The following DOK6 variants were observed in gnomAD, a reference collection of about 807,000 sequenced individuals.
DOK6 encodes docking protein 6.
A neutral mutation model predicts 44.0 loss-of-function variants in DOK6; 22 were observed. The observed-to-expected ratio is 0.50, with a 90% CI of 0.36 to 0.71. DOK6 has a LOEUF of 0.71. Ranked by LOEUF, DOK6 falls within the 30% of genes least tolerant of loss-of-function variation. DOK6 has a pLI of 0.00. For missense variants in DOK6, 340 were observed against 416.4 expected (o/e 0.82, Z 1.60); for synonymous variants, 166 against 145.5 (o/e 1.14, Z -1.01).
chr18:69,474,526 G>A (rs1035650495), intron 1 of DOK6, among the ~76,000 whole-genome samples: 4 of 152,192 alleles, frequency 2.6e-5, no homozygotes, highest in South Asian at 2.1e-4. Flanking sequence ...TTACCTATAA[G>A]CAATTTGCAT....
At chr18:69,565,035 C>T (rs1220094428) in intron 2 of DOK6, among the ~76,000 whole-genome samples, 1 of 152,022 alleles carries the variant, frequency 6.6e-6, no homozygotes, top group Non-Finnish European at 1.5e-5. Flanking sequence ...AAATGATCAT[C>T]GAATATGCTG....
rs555123012 is a variant in DOK6, at chr18:69,415,088, A to G, written c.66+13778A>G. Among the ~76,000 whole-genome samples the G allele has an allele frequency of 2.8e-4, 43 of 152,232 alleles. No individual in the cohort carries two copies. In the South Asian group the frequency reaches 5.6e-3, roughly 20 times the overall value. ...GTTGAGTAAAATAATACTTTACAAG[A>G]TCAAAAGAGTGCTTAGTCTATGATG... On this transcript the variant is annotated intron_variant, in intron 1 of 7. Transcript: ENST00000382713.
At chr18:69,709,868 G>A (rs1281742263) in intron 5 of DOK6, among the ~76,000 whole-genome samples, 1 of 152,078 alleles carries the variant, frequency 6.6e-6, no homozygotes, top group African/African-American at 2.4e-5. Context: ...TTGGCCACTT[G>A]ATTTTTTAAA....
At chr18:69,491,339 G>A (rs532339952) in intron 1 of DOK6, among the ~76,000 whole-genome samples, 154 of 152,232 alleles carry the variant, frequency 1.0e-3, no homozygotes, top group Non-Finnish European at 1.9e-3. Context: ...ATTGGCTAAA[G>A]TGCCCTTCAC....
chr18:69,677,328 G>T (rs1435641179), intron 3 of DOK6, among the ~76,000 whole-genome samples: 1 of 148,354 alleles, frequency 6.7e-6, no homozygotes, highest in Non-Finnish European at 1.5e-5. Context: ...AGCATGTTTT[G>T]AAGTATATAT....
chr18:69,743,656 C>A (rs1339357055), intron 6 of DOK6, among the ~76,000 whole-genome samples: 3 of 150,354 alleles, frequency 2.0e-5, no homozygotes, highest in African/African-American at 7.4e-5. Flanking sequence ...GTTGAGAAGA[C>A]AAGAATGAGA....
intron 1 of DOK6, among the ~76,000 whole-genome samples, chr18:69,485,970 G>A (rs56124036): frequency 0.18 from 27,749 of 150,556 alleles, 3,053 homozygotes; most frequent in Non-Finnish European, 0.23. Flanking sequence ...TTCATTTATT[G>A]AAATATACCT....
intron 7 of DOK6, among the ~76,000 whole-genome samples, chr18:69,759,362 T>C (rs140753979): frequency 0.012 from 1,802 of 152,156 alleles, 36 homozygotes; most frequent in African/African-American, 0.041. Flanking sequence ...TATTTAAACA[T>C]ATGTTTAAAT....
At chr18:69,633,328 G>A (rs547642488) in intron 3 of DOK6, among the ~76,000 whole-genome samples, 2 of 152,112 alleles carry the variant, frequency 1.3e-5, no homozygotes, top group South Asian at 4.1e-4. Flanking sequence ...AGAAATTGTC[G>A]AAGCTCATAC....
chr18:69,507,272 C>T (rs1446655069), intron 1 of DOK6, among the ~76,000 whole-genome samples: 1 of 152,102 alleles, frequency 6.6e-6, no homozygotes, highest in African/African-American at 2.4e-5. Flanking sequence ...TGTGATCCGC[C>T]CACCTCGGCC....
chr18:69,732,589 GAAAGA>G (rs1360677402), intron 5 of DOK6, among the ~76,000 whole-genome samples: 1 of 152,004 alleles, frequency 6.6e-6, no homozygotes, highest in Non-Finnish European at 1.5e-5. Context: ...TAAAGTAAAA[GAAAGA>G]AAAGAAAAAA....
intron 3 of DOK6, among the ~76,000 whole-genome samples, chr18:69,631,288 A>G (rs890813703): frequency 2.0e-5 from 3 of 152,184 alleles, no homozygotes; most frequent in Non-Finnish European, 2.9e-5. Context: ...GATGTAATTG[A>G]TAATATATAA....
intron 1 of DOK6, among the ~76,000 whole-genome samples, chr18:69,537,940 G>A (rs1041575423): frequency 2.6e-5 from 4 of 152,070 alleles, no homozygotes; most frequent in African/African-American, 9.7e-5. Flanking sequence ...TAGTATTGCT[G>A]TTCTTTTCTA....
In DOK6 at chr18:69,817,242, G is replaced by A. The variant is rs192764777; in HGVS notation, c.857-24002G>A. Among the ~76,000 whole-genome samples the A allele has an allele frequency of 2.8e-3, 423 of 152,078 alleles. 2 individuals carry two copies. The highest frequency in any genetic ancestry group is 4.4e-3 in the Non-Finnish European group (300 of 67,998). On this transcript the variant is annotated intron_variant, in intron 7 of 7. Transcript: ENST00000382713. ...TGACTCTTCATTTGTGATCAGTACCGTTGATCATTTCAGATATGTTTCAAC... is the reference window on the plus strand; with the variant it reads ...TGACTCTTCATTTGTGATCAGTACCATTGATCATTTCAGATATGTTTCAAC...
At chr18:69,610,888 G>T (rs1201625021) in intron 3 of DOK6, among the ~76,000 whole-genome samples, 2 of 152,072 alleles carry the variant, frequency 1.3e-5, no homozygotes, top group South Asian at 4.2e-4. Context: ...CAGAGAAGGG[G>T]TTCCTTAAAC....
intron 1 of DOK6, among the ~76,000 whole-genome samples, chr18:69,470,312 C>T (rs1202872090): frequency 6.6e-6 from 1 of 152,136 alleles, no homozygotes; most frequent in East Asian, 1.9e-4. Flanking sequence ...CCTCACGTGA[C>T]TCTGGAAGCT....
chr18:69,607,468 T>C (rs1177148595), intron 3 of DOK6, among the ~76,000 whole-genome samples: 6 of 151,850 alleles, frequency 4.0e-5, no homozygotes, highest in Admixed American at 3.9e-4. Flanking sequence ...ACAAGTCTTA[T>C]TTATAAACAA....
At chr18:69,748,821 A>C (rs774358816) in intron 6 of DOK6, among the ~76,000 whole-genome samples, 1 of 152,228 alleles carries the variant, frequency 6.6e-6, no homozygotes, top group Non-Finnish European at 1.5e-5. Flanking sequence ...CCCCAAAGGA[A>C]TAGAAATCAT....
At chr18:69,768,346 A>T (rs1979782806) in intron 7 of DOK6, among the ~76,000 whole-genome samples, 1 of 152,012 alleles carries the variant, frequency 6.6e-6, no homozygotes. Flanking sequence ...ATACACAGAG[A>T]AAGAGAGGAG....
Sources: allele counts gnomAD v4.1 joint callset (sites outside exome capture counted in the v4.1 genomes callset), GRCh38; gene constraint gnomAD v4.1.1; transcripts MANE v1.5; gene names NCBI Gene and HGNC (gene_info 2026-07-23, HGNC 2026-07-21).